Variants in PKHD1 observed in about 807,000 individuals in gnomAD.
The protein encoded by PKHD1 is fibrocystin.
Under a neutral mutation model 412.0 loss-of-function variants are expected in PKHD1, and 291 were observed. The ratio of observed to expected loss-of-function variants is 0.71; its 90% CI spans 0.64 to 0.78. The LOEUF (loss-of-function observed/expected upper bound fraction) is 0.78. PKHD1 is among the 30% of genes least tolerant of loss of function. PKHD1 has a pLI of 0.00. For missense variants in PKHD1, 4,825 were observed against 4,950.7 expected (o/e 0.97, Z 0.76); for synonymous variants, 1,777 against 1,821.5 (o/e 0.98, Z 0.62).
At chr6:51,984,696 T>C (rs1795998183) in intron 35 of PKHD1, among the ~76,000 whole-genome samples, 1 of 152,228 alleles carries the variant, frequency 6.6e-6, no homozygotes, top group African/African-American at 2.4e-5. Flanking sequence ...ATCCTTTGCC[T>C]GAGGCATTCC....
At chr6:51,829,823 C>T (rs1403853490) in intron 52 of PKHD1, among the ~76,000 whole-genome samples, 2 of 152,070 alleles carry the variant, frequency 1.3e-5, no homozygotes, top group Non-Finnish European at 2.9e-5. Flanking sequence ...AGGGAATGTG[C>T]GTTATTGGTT....
Position 52,010,354 on chromosome 6 carries a change from G to C in PKHD1, c.5706C>G (p.Thr1902=). 1 of 1,613,614 alleles carries C rather than the reference G, an allele frequency of 6.2e-7. No individual in the cohort carries two copies. Among genetic ancestry groups the C allele is most frequent in the Non-Finnish European group, 8.5e-7 (1 of 1,179,656 alleles). The change falls in exon 35 of 67, where the codon ACC becomes ACG. Residue 1902 remains threonine, a synonymous_variant. Transcript: ENST00000371117. The part of the protein sequence containing the change: ...MECETPNQPI[T]VKITEIRKRW... Reference sequence around the variant, plus strand: ...GTTTCCGTATCTCAGTAATCTTGACGGTAATTGGCTGATTGGGCGTCTCAC... The same window carrying C: ...GTTTCCGTATCTCAGTAATCTTGACCGTAATTGGCTGATTGGGCGTCTCAC...
chr6:51,851,670 T>C (rs1772269420), intron 49 of PKHD1, among the ~76,000 whole-genome samples: 1 of 152,226 alleles, frequency 6.6e-6, no homozygotes. Context: ...TATCCATTTC[T>C]CCTAGATTTT....
At chr6:52,052,185 G>A (rs1224679952) in intron 21 of PKHD1, among the ~76,000 whole-genome samples, 1 of 152,118 alleles carries the variant, frequency 6.6e-6, no homozygotes, top group East Asian at 1.9e-4. Context: ...ATAAAAAGTA[G>A]GCTAGCTGAG....
At chr6:51,623,832 C>T (rs1766922944) in intron 66 of PKHD1, among the ~76,000 whole-genome samples, 1 of 152,148 alleles carries the variant, frequency 6.6e-6, no homozygotes, top group African/African-American at 2.4e-5. Context: ...GGTGATCTGT[C>T]CACTTCGGCC....
chr6:52,017,774 T>C, intron 33 of PKHD1, 145 bp from the exon 34 acceptor site: 1 of 677,808 alleles, frequency 1.5e-6, no homozygotes, highest in Non-Finnish European at 2.7e-6. Context: ...GTATTGTATA[T>C]GTGTAATGTA....
chr6:51,802,965 G>T (rs994281374), intron 52 of PKHD1, among the ~76,000 whole-genome samples: 2 of 127,666 alleles, frequency 1.6e-5, no homozygotes, highest in Non-Finnish European at 3.3e-5. Flanking sequence ...TATCCTATTT[G>T]TTTGTTAAAT....
chr6:52,013,542 A>G (rs1002819644), intron 34 of PKHD1, among the ~76,000 whole-genome samples: 1 of 152,198 alleles, frequency 6.6e-6, no homozygotes, highest in Admixed American at 6.5e-5. Flanking sequence ...TAATCCTATG[A>G]ATTAAGAAGC....
intron 35 of PKHD1, among the ~76,000 whole-genome samples, chr6:51,993,895 C>G (rs966753235): frequency 6.6e-6 from 1 of 151,970 alleles, no homozygotes; most frequent in Non-Finnish European, 1.5e-5. Context: ...GGAAAGGGAG[C>G]TAAAAATGAC....
chr6:51,848,047 C>G (rs1421488411), intron 49 of PKHD1, 77 bp from the exon 50 acceptor site: 1 of 957,406 alleles, frequency 1.0e-6, no homozygotes, highest in Non-Finnish European at 1.7e-6. Flanking sequence ...CCACACCACC[C>G]TGCCAAAACA....
intron 52 of PKHD1, among the ~76,000 whole-genome samples, chr6:51,812,086 A>G (rs1295946689): frequency 1.3e-5 from 2 of 152,198 alleles, no homozygotes; most frequent in Non-Finnish European, 1.5e-5. Context: ...AGAGAGCAGC[A>G]GGAATGAGAC....
intron 33 of PKHD1, among the ~76,000 whole-genome samples, chr6:52,019,023 A>G (rs1800979854): frequency 1.3e-5 from 2 of 152,040 alleles, no homozygotes; most frequent in Non-Finnish European, 2.9e-5. Flanking sequence ...CTCTCAGGCC[A>G]TTTTTTTCTG....
intron 29 of PKHD1, among the ~76,000 whole-genome samples, chr6:52,029,229 G>T (rs200068337): frequency 2.3e-4 from 34 of 150,794 alleles, no homozygotes; most frequent in African/African-American, 7.8e-4. Flanking sequence ...TACTAAAAAA[G>T]AAAAAAAAAG....
chr6:52,005,964 C>T (rs949678686), intron 35 of PKHD1, among the ~76,000 whole-genome samples: 2 of 147,478 alleles, frequency 1.4e-5, no homozygotes, highest in Non-Finnish European at 3.0e-5. Flanking sequence ...GGCAGTCCTG[C>T]GGCCCTAAAG....
intron 60 of PKHD1, among the ~76,000 whole-genome samples, chr6:51,661,237 G>A (rs1182127685): frequency 5.9e-5 from 9 of 151,910 alleles, no homozygotes; most frequent in African/African-American, 2.2e-4. Context: ...CAGAAATATA[G>A]ATACAGATAT....
intron 36 of PKHD1, among the ~76,000 whole-genome samples, chr6:51,953,925 G>A (rs1287240824): frequency 2.6e-5 from 4 of 151,980 alleles, no homozygotes; most frequent in South Asian, 2.1e-4. Context: ...TTCTCCATCC[G>A]TCCCTCCCTC....
chr6:52,016,515 A>G (rs1171031817), intron 34 of PKHD1, among the ~76,000 whole-genome samples: 2 of 151,908 alleles, frequency 1.3e-5, no homozygotes, highest in African/African-American at 4.8e-5. Flanking sequence ...ATATACCTGC[A>G]ATCCCAGCTA....
chr6:51,648,073 T>C lies in PKHD1; in HGVS notation c.11356A>G (p.Ile3786Val). 7 of 1,609,998 alleles carry C rather than the reference T, an allele frequency of 4.3e-6. No individual in the cohort carries two copies. The highest frequency in any genetic ancestry group is 6.0e-6 in the Non-Finnish European group (7 of 1,176,202). ...GATGCTCCTTCCAGGGAAGCTGAAATTGTCCATGGCTCTGAAGGAGGTCCC... is the reference window on the plus strand; with the variant it reads ...GATGCTCCTTCCAGGGAAGCTGAAACTGTCCATGGCTCTGAAGGAGGTCCC... ...SLGPPSEPWT[I>V]SASLEGASDS... Residue 3786 changes from isoleucine (I) to valine (V), a missense_variant, in exon 63 of 67, where the codon ATT becomes GTT. Physicochemically the swap from Ile to Val is conservative, Grantham distance 29. Coordinates refer to ENST00000371117, the MANE Select transcript of PKHD1 (RefSeq NM_138694.4).
chr6:51,756,120 G>T (rs58773465), intron 55 of PKHD1, among the ~76,000 whole-genome samples: 2 of 152,000 alleles, frequency 1.3e-5, no homozygotes, highest in Admixed American at 1.3e-4. Context: ...TCACATCTAC[G>T]TACCTAAGGT....
Sources: allele counts gnomAD v4.1 joint callset (sites outside exome capture counted in the v4.1 genomes callset), GRCh38; gene constraint gnomAD v4.1.1; transcripts MANE v1.5; gene names NCBI Gene and HGNC (gene_info 2026-07-23, HGNC 2026-07-21).